The following CHST8 variants were observed in gnomAD, a reference collection of about 807,000 sequenced individuals.
The protein encoded by CHST8 is GALNAC-4-ST1.
CHST8 carries 10 observed loss-of-function variants against 15.0 expected under a neutral mutation model. That is an observed-to-expected ratio of 0.67 (90% CI 0.41 to 1.13). CHST8 has a LOEUF of 1.13. Among genes scored for constraint, CHST8 ranks in the 50% most tolerant of loss-of-function variants. The pLI is 0.00. For missense variants in CHST8, 634 were observed against 608.2 expected, an observed-to-expected ratio of 1.04 and a Z score of -0.45; for synonymous variants, 259 against 256.6, an observed-to-expected ratio of 1.01 and a Z score of -0.09.
intron 2 of CHST8, among the ~76,000 whole-genome samples, chr19:33,674,426 C>T (rs1399726689): frequency 6.6e-6 from 1 of 152,180 alleles, no homozygotes; most frequent in Non-Finnish European, 1.5e-5. Context: ...TTTTTAATTA[C>T]GGCTCCCATG....
intron 1 of CHST8, among the ~76,000 whole-genome samples, chr19:33,649,841 G>A (rs1212512017): frequency 1.3e-5 from 2 of 152,172 alleles, no homozygotes; most frequent in Admixed American, 6.5e-5. Context: ...AGAGGGGTAG[G>A]GGGTCAGTTA....
intron 3 of CHST8, among the ~76,000 whole-genome samples, chr19:33,770,219 G>A (rs924049472): frequency 1.3e-5 from 2 of 152,220 alleles, no homozygotes; most frequent in African/African-American, 4.8e-5. Context: ...TGCCCAGGAC[G>A]TGGAGACAGC....
At chr19:33,690,238 C>A (rs1973074618) in intron 3 of CHST8, among the ~76,000 whole-genome samples, 1 of 152,166 alleles carries the variant, frequency 6.6e-6, no homozygotes, top group African/African-American at 2.4e-5. Flanking sequence ...CTGGTGCACC[C>A]CCAGAGACAC....
intron 3 of CHST8, among the ~76,000 whole-genome samples, chr19:33,713,121 C>A (rs1973592868): frequency 6.6e-6 from 1 of 152,090 alleles, no homozygotes. Context: ...CTGACATAAG[C>A]CCCTCCATCC....
Position 33,727,060 on chromosome 19 carries a change from C to T in CHST8, c.130+37669C>T, listed in dbSNP as rs371742736. ...AGCCCTCTCCTCCCCTTCCCAGGCC[C>T]TTTCTGTGCCAAAGATGCACTTCAT... On this transcript the variant is annotated intron_variant, in intron 3 of 4. Transcript: ENST00000650847. Among the ~76,000 whole-genome samples, 135 of 152,098 alleles carry T rather than the reference C, an allele frequency of 8.9e-4. No individual in the cohort carries two copies. In the East Asian group the frequency reaches 0.01, roughly 11 times the overall value.
intron 1 of CHST8, among the ~76,000 whole-genome samples, chr19:33,648,487 C>T (rs146581202): frequency 0.01 from 1,563 of 152,206 alleles, 15 homozygotes; most frequent in Non-Finnish European, 0.016. Context: ...TCCTACAATG[C>T]GTGGTCTTTT....
chr19:33,756,647 G>A (rs1467092796), intron 3 of CHST8, among the ~76,000 whole-genome samples: 1 of 152,144 alleles, frequency 6.6e-6, no homozygotes, highest in Non-Finnish European at 1.5e-5. Flanking sequence ...TTGTTGTTCT[G>A]CAAAATCCAA....
chr19:33,648,273 G>A (rs915508228), intron 1 of CHST8, among the ~76,000 whole-genome samples: 5 of 152,132 alleles, frequency 3.3e-5, no homozygotes, highest in Non-Finnish European at 7.4e-5. Context: ...CCCACCTGAA[G>A]TGTGCAATTC....
At chr19:33,758,924 G>C (rs1238648595) in intron 3 of CHST8, among the ~76,000 whole-genome samples, 1 of 151,986 alleles carries the variant, frequency 6.6e-6, no homozygotes, top group East Asian at 1.9e-4. Context: ...TTTCTTGGCG[G>C]GGGGGGGCGG....
At chr19:33,632,755 GTGTGTGTGTGTGTGTGTA>G (rs1233819528) in intron 1 of CHST8, among the ~76,000 whole-genome samples, 1 of 151,834 alleles carries the variant, frequency 6.6e-6, no homozygotes, top group Non-Finnish European at 1.5e-5. Context: ...CCTTGTGTGT[GTGTGTGTGTGTGTGTGTA>G]TGTGTGTGTG....
At chr19:33,660,332 ATGT>A (rs1490617573) in intron 1 of CHST8, among the ~76,000 whole-genome samples, 3 of 152,072 alleles carry the variant, frequency 2.0e-5, no homozygotes, top group Non-Finnish European at 4.4e-5. Context: ...CTGGAGGTGA[ATGT>A]TGTCCATTCC....
At chr19:33,666,735 C>T (rs998061406) in intron 1 of CHST8, among the ~76,000 whole-genome samples, 1 of 152,102 alleles carries the variant, frequency 6.6e-6, no homozygotes, top group Non-Finnish European at 1.5e-5. Flanking sequence ...TGGAGTCTTG[C>T]TCTGTCACCC....
At chr19:33,659,058 A>ATTT (rs1972550375) in intron 1 of CHST8, among the ~76,000 whole-genome samples, 3 of 87,834 alleles carry the variant, frequency 3.4e-5, no homozygotes, top group Admixed American at 1.5e-4. Context: ...TTAGGTAATG[A>ATTT]CTTTTTTTTT....
chr19:33,649,967 T>C (rs1025754190), intron 1 of CHST8, among the ~76,000 whole-genome samples: 2 of 152,250 alleles, frequency 1.3e-5, no homozygotes, highest in Admixed American at 6.5e-5. Flanking sequence ...AGTTTACTTT[T>C]ATAAATAGTA....
rs1288711436 is a variant in CHST8, at chr19:33,772,252, A to C, written c.464A>C (p.Glu155Ala). 2.5e-6 allele frequency: 4 copies of C among 1,599,650 alleles called. No individual in the cohort carries two copies. The highest frequency in any genetic ancestry group is 3.4e-6 in the Non-Finnish European group (4 of 1,178,102). The change falls in exon 5 of 5, where the codon GAG (glutamate) becomes GCG (alanine). Residue 155 changes from glutamate (E) to alanine (A), a missense_variant. Transcript: ENST00000650847. Reference sequence around the variant, plus strand: ...GTCAGCCTGCACCGGAGCCAGCAGGAGCGCAAGCGGGTGATGCAGGAGGCC... The same window carrying C: ...GTCAGCCTGCACCGGAGCCAGCAGGCGCGCAAGCGGGTGATGCAGGAGGCC... ...RWVSLHRSQQ[E>A]RKRVMQEACA... is the part of the protein sequence containing the mutation.
At chr19:33,739,739 C>T (rs1290742315) in intron 3 of CHST8, among the ~76,000 whole-genome samples, 1 of 152,136 alleles carries the variant, frequency 6.6e-6, no homozygotes, top group African/African-American at 2.4e-5. Flanking sequence ...CACCTTTTGT[C>T]TCTTCTAATA....
chr19:33,635,829 T>G (rs1174790187), intron 1 of CHST8, among the ~76,000 whole-genome samples: 2 of 152,258 alleles, frequency 1.3e-5, no homozygotes, highest in East Asian at 3.9e-4. Flanking sequence ...GGGTGAGAAC[T>G]TTATCTTGGT....
intron 1 of CHST8, among the ~76,000 whole-genome samples, chr19:33,633,384 A>AC (rs1972149120): frequency 6.6e-6 from 1 of 151,980 alleles, no homozygotes; most frequent in East Asian, 1.9e-4. Flanking sequence ...TCTCTTAGTG[A>AC]TATGTACACA....
At chr19:33,758,868 C>T (rs1032691249) in intron 3 of CHST8, among the ~76,000 whole-genome samples, 3 of 151,826 alleles carry the variant, frequency 2.0e-5, no homozygotes, top group South Asian at 2.1e-4. Context: ...CATTGGCTCA[C>T]GGCTCTGCAG....
Sources: allele counts gnomAD v4.1 joint callset (sites outside exome capture counted in the v4.1 genomes callset), GRCh38; gene constraint gnomAD v4.1.1; transcripts MANE v1.5; gene names NCBI Gene and HGNC (gene_info 2026-07-23, HGNC 2026-07-21).